AKAP6: variants seen among roughly 807,000 people sequenced by gnomAD.
AKAP6 encodes A-kinase anchor protein 6.
In AKAP6, 58 loss-of-function variants were observed where a neutral mutation model predicts 188.5. That is an observed-to-expected ratio of 0.31 (90% confidence interval 0.25 to 0.38). AKAP6 has a LOEUF of 0.38. AKAP6 is among the 10% of genes least tolerant of loss of function. The probability of loss-of-function intolerance (pLI) is 1.00; values close to 1 mark genes in which losing one functional copy is unlikely to be tolerated. For missense variants in AKAP6, 2,710 were observed against 2,740.0 expected, an observed-to-expected ratio of 0.99 and a Z score of 0.24; for synonymous variants, 989 against 998.6, an observed-to-expected ratio of 0.99 and a Z score of 0.18.
chr14:32,643,368 C>T (rs1290210531), intron 7 of AKAP6, among the ~76,000 whole-genome samples: 1 of 151,786 alleles, frequency 6.6e-6, no homozygotes, highest in Non-Finnish European at 1.5e-5. Flanking sequence ...AGTGCAGTGG[C>T]ATGATCTCGG....
Position 32,433,682 on chromosome 14 carries a change from C to T in AKAP6, c.189C>T (p.Asp63=), listed in dbSNP as rs2138708596. ...EKPPPLHTGA[D]WKIVLHLPEI... ...CACCCCCACTACACACAGGGGCTGA[C>T]TGGAAGATTGTCCTCCACTTACCTG... The change falls in exon 2 of 14, where the codon GAC becomes GAT. Residue 63 remains aspartate (D), a synonymous_variant. Transcript: ENST00000280979. The T allele has an allele frequency of 6.2e-7, 1 of 1,614,214 alleles. No individual in the cohort carries two copies. The highest frequency in any genetic ancestry group is 2.2e-5 in the East Asian group (1 of 44,880).
intron 12 of AKAP6, among the ~76,000 whole-genome samples, chr14:32,804,851 AAAG>A: frequency 6.6e-6 from 1 of 152,256 alleles, no homozygotes; most frequent in South Asian, 2.1e-4. Flanking sequence ...CTTGCTAGGA[AAAG>A]AATTTAGAGA....
chr14:32,711,846 G>A (rs189676798), intron 9 of AKAP6, among the ~76,000 whole-genome samples: 98 of 152,004 alleles, frequency 6.4e-4, no homozygotes, highest in Non-Finnish European at 1.3e-3. Context: ...TTCCCCTCGG[G>A]CAATTATTCT....
chr14:32,775,237 T>C (rs1266068100), intron 12 of AKAP6, among the ~76,000 whole-genome samples: 1 of 152,198 alleles, frequency 6.6e-6, no homozygotes, highest in Non-Finnish European at 1.5e-5. Context: ...CTTTCTATAC[T>C]TTTAAGCCTG....
intron 7 of AKAP6, among the ~76,000 whole-genome samples, chr14:32,661,901 G>T (rs959464326): frequency 3.3e-5 from 5 of 152,060 alleles, no homozygotes; most frequent in African/African-American, 1.2e-4. Context: ...TAATATACAT[G>T]AAATCACAAG....
chr14:32,518,734 G>A (rs985473663), intron 2 of AKAP6, among the ~76,000 whole-genome samples: 5 of 152,228 alleles, frequency 3.3e-5, no homozygotes, highest in Non-Finnish European at 7.3e-5. Context: ...GTACCTGAAA[G>A]TGACGGGGAG....
chr14:32,730,562 G>A (rs3784210), intron 9 of AKAP6, among the ~76,000 whole-genome samples: 6 of 152,140 alleles, frequency 3.9e-5, no homozygotes, highest in African/African-American at 9.6e-5. Context: ...GGGGTGAAGA[G>A]GGGGGGATGA....
chr14:32,369,293 C>G (rs1887935688), intron 1 of AKAP6, among the ~76,000 whole-genome samples: 1 of 151,910 alleles, frequency 6.6e-6, no homozygotes, highest in Non-Finnish European at 1.5e-5. Context: ...AGTGTGGCAC[C>G]AAAAAAACCT....
chr14:32,402,423 G>T (rs1304798148), intron 1 of AKAP6, among the ~76,000 whole-genome samples: 1 of 152,086 alleles, frequency 6.6e-6, no homozygotes, highest in African/African-American at 2.4e-5. Flanking sequence ...TTAAAATGAA[G>T]AATTTTATTA....
chr14:32,378,779 C>T (rs1308515121), intron 1 of AKAP6, among the ~76,000 whole-genome samples: 1 of 152,078 alleles, frequency 6.6e-6, no homozygotes, highest in Non-Finnish European at 1.5e-5. Flanking sequence ...AATGGAAATA[C>T]TTTTATTTTG....
intron 7 of AKAP6, among the ~76,000 whole-genome samples, chr14:32,627,147 T>G (rs1259455723): frequency 6.6e-6 from 1 of 152,168 alleles, no homozygotes; most frequent in Non-Finnish European, 1.5e-5. Flanking sequence ...TGCTTACATC[T>G]GAATGTACCA....
chr14:32,603,224 T>C (rs1886004132), intron 7 of AKAP6, among the ~76,000 whole-genome samples: 2 of 151,930 alleles, frequency 1.3e-5, no homozygotes, highest in African/African-American at 4.8e-5. Context: ...TGCGTTGCAC[T>C]CTAAAAACCT....
intron 2 of AKAP6, among the ~76,000 whole-genome samples, chr14:32,466,832 T>TAG (rs1348507080): frequency 2.1e-5 from 3 of 141,646 alleles, no homozygotes; most frequent in Non-Finnish European, 4.5e-5. Context: ...CAAGATTATA[T>TAG]ATATATATAT....
chr14:32,528,886 C>T (rs947256475), intron 2 of AKAP6, among the ~76,000 whole-genome samples: 2 of 152,200 alleles, frequency 1.3e-5, no homozygotes, highest in Middle Eastern at 3.4e-3. Flanking sequence ...CCATGTTGGC[C>T]AGGCTTGTCT....
chr14:32,527,761 G>A (rs970703147), intron 2 of AKAP6, among the ~76,000 whole-genome samples: 1 of 151,992 alleles, frequency 6.6e-6, no homozygotes, highest in Non-Finnish European at 1.5e-5. Flanking sequence ...CTTTGGTGAG[G>A]CATCTGTTAA....
At chr14:32,491,609 T>A (rs1019887482) in intron 2 of AKAP6, among the ~76,000 whole-genome samples, 7 of 152,228 alleles carry the variant, frequency 4.6e-5, no homozygotes, top group African/African-American at 1.7e-4. Context: ...AGCATATGAC[T>A]GGAGCACATG....
At chr14:32,487,608 G>A (rs1234169052) in intron 2 of AKAP6, among the ~76,000 whole-genome samples, 1 of 152,196 alleles carries the variant, frequency 6.6e-6, no homozygotes, top group Non-Finnish European at 1.5e-5. Flanking sequence ...GTGATCCTTT[G>A]GAGGAGAGAG....
At chr14:32,402,766 G>A (rs536603523) in intron 1 of AKAP6, among the ~76,000 whole-genome samples, 15 of 150,058 alleles carry the variant, frequency 1.0e-4, no homozygotes, top group South Asian at 4.2e-4. Flanking sequence ...GCTTTGCTCC[G>A]TTGCCTAGGC....
chr14:32,464,981 C>G (rs1222669655), intron 2 of AKAP6, among the ~76,000 whole-genome samples: 2 of 152,176 alleles, frequency 1.3e-5, no homozygotes, highest in African/African-American at 4.8e-5. Flanking sequence ...AGTGAACTCC[C>G]ATTCACAACT....
Sources: allele counts gnomAD v4.1 joint callset (sites outside exome capture counted in the v4.1 genomes callset), GRCh38; gene constraint gnomAD v4.1.1; transcripts MANE v1.5; gene names NCBI Gene and HGNC (gene_info 2026-07-23, HGNC 2026-07-21).